OXCT1: variants seen among roughly 807,000 people sequenced by gnomAD.
OXCT1 encodes 3-oxoacid CoA-transferase 1.
Under a neutral mutation model 69.6 loss-of-function variants are expected in OXCT1, and 27 were observed. That is an observed-to-expected ratio of 0.39 (90% CI 0.29 to 0.54). The LOEUF is 0.54. Among genes scored for constraint, OXCT1 ranks in the 20% least tolerant of loss-of-function variants. OXCT1 has a pLI of 0.72. For synonymous variants in OXCT1, 202 were observed against 217.8 expected, an observed-to-expected ratio of 0.93 and a Z score of 0.64; for missense variants, 437 against 650.2, an observed-to-expected ratio of 0.67 and a Z score of 3.57.
chr5:41,733,226 G>A (rs1742721806), intron 16 of OXCT1, among the ~76,000 whole-genome samples: 1 of 150,516 alleles, frequency 6.6e-6, no homozygotes, highest in African/African-American at 2.4e-5. Context: ...GAGCATCTGT[G>A]GAAATAATTT....
At chr5:41,747,298 GACTAC>G (rs2112037611) in intron 15 of OXCT1, among the ~76,000 whole-genome samples, 1 of 152,180 alleles carries the variant, frequency 6.6e-6, no homozygotes, top group Non-Finnish European at 1.5e-5. Context: ...ATACCTCTGT[GACTAC>G]ATGTTTTCTT....
intron 13 of OXCT1, among the ~76,000 whole-genome samples, chr5:41,782,107 C>A (rs563415069): frequency 1.3e-5 from 2 of 149,482 alleles, no homozygotes; most frequent in East Asian, 3.9e-4. Context: ...CACAATCTTG[C>A]CAGCATCTTT....
chr5:41,796,548 A>G (rs1746191562), intron 11 of OXCT1, among the ~76,000 whole-genome samples: 1 of 152,184 alleles, frequency 6.6e-6, no homozygotes, highest in African/African-American at 2.4e-5. Context: ...CTTTTCCATC[A>G]ATATCCCCCT....
In OXCT1 at chr5:41,793,994, TC is replaced by T. The variant is rs745358940; in HGVS notation, c.1248+8del. 1 of 1,547,136 alleles carries T rather than the reference TC, an allele frequency of 6.5e-7. No individual in the cohort carries two copies. The highest frequency in any genetic ancestry group is 8.9e-7 in the Non-Finnish European group (1 of 1,118,986). Reference sequence around the variant, plus strand: ...CAAACATAATTCAGAATAAAAAATGTCTACTTACAGGTATCATCCAGTTAGC... The same window carrying T: ...CAAACATAATTCAGAATAAAAAATGTTACTTACAGGTATCATCCAGTTAGC... On this transcript the variant is annotated splice_region_variant and intron_variant, in intron 13 of 16. Coordinates refer to ENST00000196371, the MANE Select transcript of OXCT1 (RefSeq NM_000436.4).
intron 7 of OXCT1, among the ~76,000 whole-genome samples, chr5:41,827,928 A>T (rs1313803204): frequency 6.6e-6 from 1 of 152,156 alleles, no homozygotes; most frequent in African/African-American, 2.4e-5. Context: ...AATCAGAGAC[A>T]TAGGGCCCTC....
At chr5:41,850,298 TTGTA>T in intron 4 of OXCT1, 119 bp from the exon 5 acceptor site, 1 of 1,107,470 alleles carries the variant, frequency 9.0e-7, no homozygotes, top group Non-Finnish European at 1.3e-6. Flanking sequence ...GTAGCTAGCA[TTGTA>T]CATTAGCATA....
At chr5:41,793,255 A>T (rs1236590212) in intron 13 of OXCT1, among the ~76,000 whole-genome samples, 4 of 152,216 alleles carry the variant, frequency 2.6e-5, no homozygotes, top group African/African-American at 9.7e-5. Flanking sequence ...AACATATGGA[A>T]ATCCTTAAAC....
chr5:41,823,760 T>C (rs1314797567), intron 7 of OXCT1, among the ~76,000 whole-genome samples: 6 of 152,186 alleles, frequency 3.9e-5, no homozygotes, highest in Non-Finnish European at 8.8e-5. Context: ...AATCCTAAAG[T>C]TTCTATCTTG....
intron 15 of OXCT1, 38 bp downstream of exon 15, chr5:41,749,488 TA>T (rs748824979): frequency 4.7e-5 from 62 of 1,316,720 alleles, no homozygotes; most frequent in African/African-American, 4.3e-4. Context: ...TAAAAATGCT[TA>T]CTTAAAACAT....
chr5:41,815,763 T>C (rs990850596), intron 7 of OXCT1, among the ~76,000 whole-genome samples: 1 of 152,134 alleles, frequency 6.6e-6, no homozygotes, highest in African/African-American at 2.4e-5. Context: ...GGAGACATAA[T>C]ATAATTAATA....
intron 5 of OXCT1, among the ~76,000 whole-genome samples, chr5:41,847,052 AAG>A (rs1384117618): frequency 6.6e-6 from 1 of 152,148 alleles, no homozygotes; most frequent in Non-Finnish European, 1.5e-5. Flanking sequence ...TAAAGAAAAA[AAG>A]AGAGAAGAAT....
chr5:41,780,400 T>C (rs1745337607), intron 13 of OXCT1, among the ~76,000 whole-genome samples: 1 of 152,196 alleles, frequency 6.6e-6, no homozygotes, highest in African/African-American at 2.4e-5. Flanking sequence ...TTAAAAACTA[T>C]AAGCAAAGGA....
intron 13 of OXCT1, among the ~76,000 whole-genome samples, chr5:41,784,425 C>T (rs907669588): frequency 1.3e-5 from 2 of 152,282 alleles, no homozygotes; most frequent in Middle Eastern, 6.8e-3. Flanking sequence ...GTCATATGTA[C>T]TCAACATATA....
chr5:41,846,164 G>A (rs1390046969), intron 5 of OXCT1, among the ~76,000 whole-genome samples: 1 of 151,066 alleles, frequency 6.6e-6, no homozygotes, highest in East Asian at 1.9e-4. Flanking sequence ...AAGTTTTAGG[G>A]TACATGTGCA....
chr5:41,830,400 G>A (rs1183788450), intron 7 of OXCT1, among the ~76,000 whole-genome samples: 4 of 152,194 alleles, frequency 2.6e-5, no homozygotes, highest in African/African-American at 9.6e-5. Context: ...TGGCTGATGT[G>A]AGTAGATTCA....
chr5:41,754,958 T>C (rs564374391), intron 14 of OXCT1, among the ~76,000 whole-genome samples: 31 of 152,218 alleles, frequency 2.0e-4, no homozygotes, highest in African/African-American at 7.2e-4. Flanking sequence ...CTGTATCATA[T>C]ACATTTCTTG....
chr5:41,865,151 A>G (rs1749905504), intron 1 of OXCT1, among the ~76,000 whole-genome samples: 1 of 152,178 alleles, frequency 6.6e-6, no homozygotes, highest in South Asian at 2.1e-4. Context: ...GCTATTGACT[A>G]TAGTCACCCT....
chr5:41,750,133 T>TG (rs200101037), intron 14 of OXCT1, among the ~76,000 whole-genome samples: 77 of 142,034 alleles, frequency 5.4e-4, no homozygotes, highest in African/African-American at 6.1e-4. Context: ...GTGTGTTTTT[T>TG]GGTTTTTTTT....
At chr5:41,852,940 T>C (rs1301896191) in intron 4 of OXCT1, among the ~76,000 whole-genome samples, 1 of 152,076 alleles carries the variant, frequency 6.6e-6, no homozygotes, top group Non-Finnish European at 1.5e-5. Flanking sequence ...GGCACATGCC[T>C]GTAATCTCAA....
Sources: allele counts gnomAD v4.1 joint callset (sites outside exome capture counted in the v4.1 genomes callset), GRCh38; gene constraint gnomAD v4.1.1; transcripts MANE v1.5; gene names NCBI Gene and HGNC (gene_info 2026-07-23, HGNC 2026-07-21).